Variants in MALT1 observed in about 807,000 individuals in gnomAD.
The protein encoded by MALT1 is mucosa-associated lymphoid tissue lymphoma translocation protein 1.
A neutral mutation model predicts 85.5 loss-of-function variants in MALT1; 36 were observed. That is an observed-to-expected ratio of 0.42 (90% CI 0.32 to 0.56). The LOEUF (loss-of-function observed/expected upper bound fraction) is 0.56, where lower values mean the gene tolerates loss of function less well. Ranked by LOEUF, MALT1 falls within the 20% of genes least tolerant of loss-of-function variation. MALT1 has a pLI of 0.10. For synonymous variants in MALT1, 359 were observed against 361.3 expected, an observed-to-expected ratio of 0.99 and a Z score of 0.07; for missense variants, 716 against 981.6, an observed-to-expected ratio of 0.73 and a Z score of 3.62.
chr18:58,690,912 GC>G, intron 2 of MALT1: 1 of 239,594 alleles, frequency 4.2e-6, no homozygotes, highest in South Asian at 6.0e-5. Flanking sequence ...ACTGAGTACG[GC>G]CCCAGGAGAG....
chr18:58,739,444 G>A (rs994844842), intron 13 of MALT1, among the ~76,000 whole-genome samples: 3 of 152,184 alleles, frequency 2.0e-5, no homozygotes, highest in Non-Finnish European at 4.4e-5. Context: ...TTGATTTTAT[G>A]TCAACTTTTG....
intron 1 of MALT1, among the ~76,000 whole-genome samples, chr18:58,675,702 TA>T (rs2054229621): frequency 6.6e-6 from 1 of 152,194 alleles, no homozygotes. Context: ...ACAAATAAAC[TA>T]AAAAAGGTTT....
intron 15 of MALT1, 116 bp downstream of exon 15, chr18:58,744,611 T>TC (rs2055343350): frequency 2.5e-6 from 1 of 395,168 alleles, no homozygotes; most frequent in Non-Finnish European, 4.2e-6. Context: ...TTTATATATG[T>TC]GTATATATTT....
chr18:58,738,051 AT>A (rs1270035003), intron 13 of MALT1, among the ~76,000 whole-genome samples: 2 of 152,156 alleles, frequency 1.3e-5, no homozygotes, highest in Non-Finnish European at 2.9e-5. Context: ...TTGTGAGTAG[AT>A]GTTCGATATG....
intron 4 of MALT1, among the ~76,000 whole-genome samples, chr18:58,702,734 G>A (rs1434340722): frequency 6.6e-6 from 1 of 152,184 alleles, no homozygotes; most frequent in Non-Finnish European, 1.5e-5. Context: ...CTCTAGCGTT[G>A]ATGTCAGCAC....
chr18:58,723,357 TGA>T (rs2055010656), intron 10 of MALT1, 106 bp downstream of exon 10: 1 of 730,924 alleles, frequency 1.4e-6, no homozygotes, highest in Non-Finnish European at 2.2e-6. Context: ...AACATGTTGT[TGA>T]ATGGAAGAGT....
At chr18:58,732,028 T>C (rs528262873) in intron 10 of MALT1, among the ~76,000 whole-genome samples, 3 of 152,350 alleles carry the variant, frequency 2.0e-5, no homozygotes, top group Admixed American at 1.3e-4. Context: ...GATTTTGTCC[T>C]GTAGGACCAC....
chr18:58,680,908 C>T (rs2054310719), intron 1 of MALT1, among the ~76,000 whole-genome samples: 1 of 117,238 alleles, frequency 8.5e-6, no homozygotes, highest in Non-Finnish European at 1.6e-5. Context: ...CCGGCCTGGG[C>T]GACAGAGCGA....
intron 3 of MALT1, 101 bp from the exon 4 acceptor site, chr18:58,700,340 C>A: frequency 1.2e-6 from 1 of 867,994 alleles, no homozygotes; most frequent in Non-Finnish European, 1.7e-6. Context: ...AAAAATGTTG[C>A]ACTTTCAAAG....
At chr18:58,723,711 T>A (rs1000633697) in intron 10 of MALT1, among the ~76,000 whole-genome samples, 2 of 152,226 alleles carry the variant, frequency 1.3e-5, no homozygotes, top group African/African-American at 4.8e-5. Context: ...AGAACTAGAT[T>A]TTAACAAGGA....
At chr18:58,721,509 A>C (rs908048534) in intron 9 of MALT1, among the ~76,000 whole-genome samples, 2 of 146,794 alleles carry the variant, frequency 1.4e-5, no homozygotes, top group South Asian at 4.3e-4. Flanking sequence ...ATGTATATTC[A>C]TAACACTGGG....
intron 14 of MALT1, among the ~76,000 whole-genome samples, chr18:58,743,618 GA>G (rs1568156975): frequency 1.3e-5 from 2 of 151,514 alleles, no homozygotes; most frequent in Non-Finnish European, 2.9e-5. Context: ...ACAAATAAGA[GA>G]AAAAAAATTA....
intron 10 of MALT1, among the ~76,000 whole-genome samples, chr18:58,724,104 C>T (rs1331794853): frequency 6.6e-6 from 1 of 152,172 alleles, no homozygotes; most frequent in Non-Finnish European, 1.5e-5. Context: ...GCTCCTGTAT[C>T]TTTCCAGTTA....
intron 10 of MALT1, among the ~76,000 whole-genome samples, chr18:58,725,278 C>T (rs1230552353): frequency 1.3e-5 from 2 of 152,096 alleles, no homozygotes; most frequent in African/African-American, 4.8e-5. Flanking sequence ...ACCAAGATCA[C>T]ACCACTGTAC....
intron 13 of MALT1, 125 bp from the exon 14 acceptor site, chr18:58,741,740 T>C (rs1007677907): frequency 9.5e-6 from 5 of 528,946 alleles, no homozygotes; most frequent in Non-Finnish European, 1.2e-5. Context: ...GCTCAGGAAA[T>C]ATTTGTTGAG....
In MALT1 at chr18:58,749,243, G is replaced by A. The variant is rs552693092; in HGVS notation, c.*1401G>A. The A allele has an allele frequency of 9.7e-5, 21 of 216,580 alleles. No individual in the cohort carries two copies. Among genetic ancestry groups the A allele is most frequent in the African/African-American group, 4.3e-4 (19 of 44,504 alleles). 13.4% of individuals were successfully genotyped at this position (216,580 alleles called of 1,614,324 possible). ...GGAGAAAGTGTATTTGTGTATATGTGTGTATACATATGTTTATCTCACACA... is the reference window on the plus strand; with the variant it reads ...GGAGAAAGTGTATTTGTGTATATGTATGTATACATATGTTTATCTCACACA... On this transcript the variant is annotated 3_prime_UTR_variant, in exon 17 of 17. Transcript: ENST00000649217.
At position 58,671,606 on chromosome 18, in the gene MALT1, G is replaced by T. The variant is rs946400526; in HGVS notation, c.-38G>T. The T allele has an allele frequency of 8.4e-7, 1 of 1,194,662 alleles. No homozygotes were observed. The highest frequency in any genetic ancestry group is 1.6e-5 in the African/African-American group (1 of 63,144). 74.0% of individuals were successfully genotyped at this position (1,194,662 alleles called of 1,614,324 possible). A position where few individuals can be genotyped will look rare whatever the true frequency, so the allele number is the denominator to read the frequency against. On this transcript the variant is annotated 5_prime_UTR_variant, in exon 1 of 17. Transcript: ENST00000649217. ...GGGGCCGAGGCCCGTGACGGGGCGG[G>T]CGGGAGCCCCGGCAGTCCGGGGTCG...
intron 2 of MALT1, among the ~76,000 whole-genome samples, chr18:58,688,724 A>G (rs1192180843): frequency 6.6e-6 from 1 of 152,026 alleles, no homozygotes; most frequent in African/African-American, 2.4e-5. Context: ...TCCTTGTATA[A>G]TGGCAGAGAA....
intron 10 of MALT1, among the ~76,000 whole-genome samples, chr18:58,726,552 A>G (rs2055057401): frequency 6.6e-6 from 1 of 152,200 alleles, no homozygotes; most frequent in Non-Finnish European, 1.5e-5. Context: ...ATTATATTGC[A>G]CGCAGGTTTG....
Sources: allele counts gnomAD v4.1 joint callset (sites outside exome capture counted in the v4.1 genomes callset), GRCh38; gene constraint gnomAD v4.1.1; transcripts MANE v1.5; gene names NCBI Gene and HGNC (gene_info 2026-07-23, HGNC 2026-07-21).